Variants in ATP6V1C1 observed in about 807,000 individuals in gnomAD.
ATP6V1C1 encodes the protein ATPase H+ transporting V1 subunit C1.
Under a neutral mutation model 53.9 loss-of-function variants are expected in ATP6V1C1, and 45 were observed. That is an observed-to-expected ratio of 0.83 (90% CI 0.66 to 1.07). The LOEUF is 1.07. Ranked by LOEUF, ATP6V1C1 falls within the 50% of genes least tolerant of loss-of-function variation. ATP6V1C1 has a pLI of 0.00. For synonymous variants in ATP6V1C1, 153 were observed against 155.2 expected (o/e 0.99, Z 0.11); for missense variants, 315 against 440.3 (o/e 0.72, Z 2.55).
intron 1 of ATP6V1C1, chr8:103,021,489 G>C (rs987084137): frequency 6.6e-6 from 1 of 152,478 alleles, no homozygotes; most frequent in Admixed American, 6.5e-5. Context: ...GAGATACAGC[G>C]GTCTGGGATC....
rs1473262715 is a variant in ATP6V1C1, at chr8:103,072,888, G to C, written c.*4141G>C. 6 of 152,314 alleles carry C rather than the reference G, an allele frequency of 3.9e-5. No individual in the cohort carries two copies. In the East Asian group the frequency reaches 1.2e-3, roughly 29 times the overall value. The allele number at this position is 152,314 out of a possible 1,614,324, so 9.4% of individuals were successfully genotyped here. A position where few individuals can be genotyped will look rare whatever the true frequency, so the allele number is the denominator to read the frequency against. Reference sequence around the variant, plus strand: ...AGACAACATCCTTCATACCAGGAATGGTCAAGATAATGCAAGAAGAAAAAA... The same window carrying C: ...AGACAACATCCTTCATACCAGGAATCGTCAAGATAATGCAAGAAGAAAAAA... On this transcript the variant is annotated 3_prime_UTR_variant, in exon 13 of 13. Transcript: ENST00000518738.
intron 1 of ATP6V1C1, among the ~76,000 whole-genome samples, chr8:103,033,856 T>C (rs923526288): frequency 6.6e-6 from 1 of 152,220 alleles, no homozygotes. Flanking sequence ...CCAGTAAGTG[T>C]TGGCTGCTAT....
At position 103,031,806 on chromosome 8, in the gene ATP6V1C1, T is replaced by G. The variant is rs374773848; in HGVS notation, c.-39-8992T>G. Among the ~76,000 whole-genome samples, 55 of 152,222 alleles carry G rather than the reference T, an allele frequency of 3.6e-4. 1 individual carries two copies. The South Asian group carries it at 0.011, about 31-fold the overall frequency. On this transcript the variant is annotated intron_variant, in intron 1 of 12. Coordinates refer to ENST00000518738, the MANE Select transcript of ATP6V1C1 (RefSeq NM_001695.5). ...GACCTGTGGAGCAGTATCAAGTGGT[T>G]TAACATACATGTGATCTTGTTTCAA... is the stretch of plus-strand genomic sequence containing the variant.
At chr8:103,066,517 T>C in intron 12 of ATP6V1C1, 70 bp downstream of exon 12, 1 of 1,445,474 alleles carries the variant, frequency 6.9e-7, no homozygotes. Context: ...TGAAAGAAGA[T>C]AGACAGAAAA....
chr8:103,058,810 C>T (rs913903673), intron 8 of ATP6V1C1, among the ~76,000 whole-genome samples: 11 of 152,226 alleles, frequency 7.2e-5, no homozygotes, highest in South Asian at 2.1e-4. Context: ...AAAGATTGGA[C>T]GGTTTTGAAA....
Position 103,063,234 on chromosome 8 carries a change from T to G in ATP6V1C1, c.828+6T>G, listed in dbSNP as rs1586328212. On this transcript the variant is annotated splice_donor_region_variant and intron_variant, in intron 10 of 12. Coordinates refer to ENST00000518738, the MANE Select transcript of ATP6V1C1 (RefSeq NM_001695.5). ...CTGATAAGAAAAAACAATTTGTATG[T>G]GTTTTTAATATTTAGTATTATCAGT... is the stretch of plus-strand genomic sequence containing the variant. 3.2e-6 allele frequency: 5 copies of G among 1,559,076 alleles called. No homozygotes were observed. The highest frequency in any genetic ancestry group is 4.4e-6 in the Non-Finnish European group (5 of 1,136,454).
At chr8:103,046,287 TC>T (rs1817095577) in intron 3 of ATP6V1C1, among the ~76,000 whole-genome samples, 1 of 152,100 alleles carries the variant, frequency 6.6e-6, no homozygotes, top group South Asian at 2.1e-4. Context: ...GCTCATTGCA[TC>T]CTGGAACTCC....
intron 3 of ATP6V1C1, among the ~76,000 whole-genome samples, chr8:103,046,324 A>C (rs1046657688): frequency 1.3e-5 from 2 of 151,964 alleles, no homozygotes; most frequent in African/African-American, 4.8e-5. Context: ...CTTTTACCTC[A>C]GTTTCCTGAG....
At chr8:103,060,783 T>C (rs1817383130) in intron 8 of ATP6V1C1, among the ~76,000 whole-genome samples, 2 of 152,234 alleles carry the variant, frequency 1.3e-5, no homozygotes, top group Non-Finnish European at 1.5e-5. Context: ...GGAGGTTTTA[T>C]CTTGGCTTTT....
chr8:103,029,415 G>A (rs938838068), intron 1 of ATP6V1C1, among the ~76,000 whole-genome samples: 2 of 151,754 alleles, frequency 1.3e-5, no homozygotes, highest in Admixed American at 6.6e-5. Flanking sequence ...GATTACAGAT[G>A]CGTGCCACCG....
chr8:103,049,063 C>A (rs1817154950), intron 4 of ATP6V1C1, 108 bp downstream of exon 4: 1 of 938,644 alleles, frequency 1.1e-6, no homozygotes. Context: ...ACACTAAATA[C>A]AATAGAAAGC....
intron 8 of ATP6V1C1, among the ~76,000 whole-genome samples, chr8:103,062,174 T>G (rs1156573926): frequency 9.8e-5 from 13 of 132,634 alleles, no homozygotes; most frequent in Admixed American, 6.8e-4. Flanking sequence ...TTTTTTTTTT[T>G]TTTTTTTTTT....
rs570843340 is a variant in ATP6V1C1, at chr8:103,021,151, A to T, written c.-114A>T. 1 of 153,008 alleles carries T rather than the reference A, an allele frequency of 6.5e-6. No individual in the cohort carries two copies. The highest frequency in any genetic ancestry group is 6.5e-5 in the Admixed American group (1 of 15,310). The allele number at this position is 153,008 out of a possible 1,614,324, so 9.5% of individuals were successfully genotyped here. On this transcript the variant is annotated 5_prime_UTR_variant, in exon 1 of 13. An upstream open reading frame in the 5' UTR loses its in-frame stop. Transcript: ENST00000518738. ...TAGGTCGGGAAGGGATGGATCGCTG[A>T]GCCGATAGCGTCCGCTAGGCTGTCT...
rs1242081218 is a variant in ATP6V1C1 at position 103,040,958 on chromosome 8, C to T, written c.122C>T (p.Pro41Leu). 5.6e-6 allele frequency: 9 copies of T among 1,613,810 alleles called. No individual in the cohort carries two copies. The highest frequency in any genetic ancestry group is 1.3e-5 in the African/African-American group (1 of 74,890). ...GCTGTCACTTCCAAGTTCAATATTCCTGACTTAAAGGTGAAGCTGCACTGT... is the reference window on the plus strand; with the variant it reads ...GCTGTCACTTCCAAGTTCAATATTCTTGACTTAAAGGTGAAGCTGCACTGT... ...NLAVTSKFNI[P>L]DLKVGTLDVL... The change falls in exon 2 of 13, where the codon CCT becomes CTT. Residue 41 changes from proline (P) to leucine (L), a missense_variant. By Grantham distance (98) the Pro-to-Leu change is moderately conservative. Transcript: ENST00000518738.
intron 3 of ATP6V1C1, among the ~76,000 whole-genome samples, chr8:103,046,976 C>G (rs1817108837): frequency 6.6e-6 from 1 of 152,044 alleles, no homozygotes; most frequent in African/African-American, 2.4e-5. Flanking sequence ...GGTAAACATG[C>G]AACATTTTAG....
chr8:103,054,146 A>G (rs914747184), intron 7 of ATP6V1C1, among the ~76,000 whole-genome samples, 164 bp downstream of exon 7: 1 of 151,992 alleles, frequency 6.6e-6, no homozygotes, highest in African/African-American at 2.4e-5. Flanking sequence ...ATAAAGTAGA[A>G]ATTAGATCAT....
chr8:103,035,977 G>T (rs1042988173), intron 1 of ATP6V1C1, among the ~76,000 whole-genome samples: 1 of 152,178 alleles, frequency 6.6e-6, no homozygotes, highest in Non-Finnish European at 1.5e-5. Flanking sequence ...GATCCTGGAC[G>T]AAGGGAACAA....
rs921116467 is a variant in ATP6V1C1 at position 103,068,633 on chromosome 8, TTGTC to T, written c.1054-15_1054-12del. On this transcript the variant is annotated splice_polypyrimidine_tract_variant and intron_variant, in intron 12 of 12. Coordinates refer to ENST00000518738, the MANE Select transcript of ATP6V1C1 (RefSeq NM_001695.5). ...GTTCTGTAAATACAAAATTGAATAA[TTGTC>T]TGTTTTTTCCATAGGCTCCTATGGA... 7.1e-6 allele frequency: 11 copies of T among 1,539,202 alleles called. No homozygotes were observed. Among genetic ancestry groups the T allele is most frequent in the East Asian group, 2.3e-5 (1 of 43,428 alleles).
chr8:103,026,957 A>G (rs890462507), intron 1 of ATP6V1C1, among the ~76,000 whole-genome samples: 1 of 152,252 alleles, frequency 6.6e-6, no homozygotes, highest in Non-Finnish European at 1.5e-5. Flanking sequence ...CCCCTCCCAC[A>G]ATCCCAATTA....
Sources: gnomAD v4.1 joint callset for allele counts (sites outside exome capture counted in the v4.1 genomes callset) on GRCh38, gnomAD v4.1.1 for gene constraint, MANE v1.5 for transcripts, NCBI Gene and HGNC (gene_info 2026-07-23, HGNC 2026-07-21) for gene names.